CSF2RA: variants seen among roughly 807,000 people sequenced by gnomAD.
The protein encoded by CSF2RA is granulocyte-macrophage colony-stimulating factor receptor subunit alpha.
CSF2RA carries 42 observed loss-of-function variants against 51.6 expected under a neutral mutation model. The observed-to-expected ratio is 0.81, with a 90% CI of 0.64 to 1.05. The LOEUF (loss-of-function observed/expected upper bound fraction) is 1.05. Ranked by LOEUF, CSF2RA falls within the 50% of genes least tolerant of loss-of-function variation. CSF2RA has a pLI of 0.00. For missense variants in CSF2RA, 530 were observed against 501.1 expected, an observed-to-expected ratio of 1.06 and a Z score of -0.55; for synonymous variants, 222 against 193.0, an observed-to-expected ratio of 1.15 and a Z score of -1.24.
intron 2 of CSF2RA, among the ~76,000 whole-genome samples, chrX:1,275,815 C>A (rs1206164808): frequency 6.6e-6 from 1 of 152,060 alleles, no homozygotes; most frequent in Non-Finnish European, 1.5e-5. Flanking sequence ...GCCTCAGCCT[C>A]CCAAAGTGTT....
At position 1,272,476 on chromosome X, in the gene CSF2RA, TTA is replaced by T. The variant is rs1283800602; in HGVS notation, c.-90-2277_-90-2276del. Among the ~76,000 whole-genome samples, 5 of 8,846 alleles carry T rather than the reference TTA, an allele frequency of 5.7e-4. No homozygotes were observed. The South Asian group carries it at 0.012, about 21-fold the overall frequency. The allele number at this position is 8,846 out of a possible 152,430, so 5.8% of individuals were successfully genotyped here. A position where few individuals can be genotyped will look rare whatever the true frequency, so the allele number is the denominator to read the frequency against. ...GCGGACTGAACTCTGATTTTTTTCT[TTA>T]TTTTATTTTATTTTATTTTATTTTT... On this transcript the variant is annotated intron_variant, in intron 1 of 12. Transcript: ENST00000381529.
Position 1,300,410 on chromosome X carries a change from A to T in CSF2RA, c.811-81A>T, listed in dbSNP as rs1306306305. 1.4e-5 allele frequency: 22 copies of T among 1,522,162 alleles called. No individual in the cohort carries two copies. In the South Asian group the frequency reaches 2.2e-4, roughly 15 times the overall value. The allele number at this position is 1,522,162 out of a possible 1,614,324, so 94.3% of individuals were successfully genotyped here. A position where few individuals can be genotyped will look rare whatever the true frequency, so the allele number is the denominator to read the frequency against. On this transcript the variant is annotated intron_variant, in intron 9 of 12. Coordinates refer to ENST00000381529, the MANE Select transcript of CSF2RA (RefSeq NM_172245.4). ...AAAAAAGAAAAGGAGAAAAAAACTT[A>T]AAAGACAAAAGAACGAAAAAAGGCA...
intron 2 of CSF2RA, among the ~76,000 whole-genome samples, chrX:1,275,779 C>T (rs1299104900): frequency 6.6e-6 from 1 of 151,798 alleles, no homozygotes; most frequent in Non-Finnish European, 1.5e-5. Flanking sequence ...AGGATGGTCT[C>T]GATCTCCTGA....
chrX:1,308,491 A>C lies in CSF2RA; in HGVS notation c.1126-911A>C, dbSNP rs181082590. Among the ~76,000 whole-genome samples the C allele has an allele frequency of 4.2e-4, 64 of 152,046 alleles. No individual in the cohort carries two copies. In the East Asian group the frequency reaches 0.011, roughly 26 times the overall value. Reference sequence around the variant, plus strand: ...AGGGTGAGAGACTTGCGTGACCCACATCCCAAGACCCCGTGGGTGGCCCTC... The same window carrying C: ...AGGGTGAGAGACTTGCGTGACCCACCTCCCAAGACCCCGTGGGTGGCCCTC... On this transcript the variant is annotated intron_variant, in intron 12 of 12. Coordinates refer to ENST00000381529, the MANE Select transcript of CSF2RA (RefSeq NM_172245.4).
At chrX:1,290,588 C>T (rs1426075040) in intron 7 of CSF2RA, 79 bp downstream of exon 7, 19 of 1,388,060 alleles carry the variant, frequency 1.4e-5, no homozygotes, top group Non-Finnish European at 1.6e-5. Context: ...ACTGAGGCCA[C>T]GTGCGGTGTC....
intron 4 of CSF2RA, among the ~76,000 whole-genome samples, chrX:1,288,204 G>A (rs1429319375): frequency 1.9e-4 from 29 of 151,856 alleles, no homozygotes; most frequent in Non-Finnish European, 4.1e-4. Flanking sequence ...TACCATGGCC[G>A]GGCATGGTGG....
Position 1,282,724 on chromosome X carries a change from C to G in CSF2RA, c.21C>G (p.Ser7Arg). The G allele has an allele frequency of 6.2e-7, 1 of 1,613,784 alleles. No homozygotes were observed. The highest frequency in any genetic ancestry group is 8.5e-7 in the Non-Finnish European group (1 of 1,179,748). Residue 7 changes from serine to arginine, a missense_variant, in exon 3 of 13, where the codon AGC becomes AGG. Coordinates refer to ENST00000381529, the MANE Select transcript of CSF2RA (RefSeq NM_172245.4). MLLLVT[S>R]LLLCELPHPA... ...GCACCATGCTTCTCCTGGTGACAAG[C>G]CTTCTGCTCTGTGAGTTACCACACC...
chrX:1,318,025 G>A, the CSF2RA span, among the ~76,000 whole-genome samples: 1 of 150,420 alleles, frequency 6.6e-6, no homozygotes, highest in Admixed American at 6.6e-5. Flanking sequence ...GTCTCACTGT[G>A]TCACCCAGGC....
chrX:1,316,809 A>G, the CSF2RA span, among the ~76,000 whole-genome samples: 85 of 152,358 alleles, frequency 5.6e-4, no homozygotes, highest in African/African-American at 2.0e-3. Context: ...CTGTGTGGAC[A>G]CAAAACCAGC....
rs750023118 is a variant in CSF2RA, at chrX:1,288,640, C to G, written c.341C>G (p.Ser114Ter). The change falls in exon 5 of 13, where the codon TCA becomes TGA. Residue 114 changes from serine (S) to a stop codon, truncating the protein, a stop_gained and splice_region_variant. Transcript: ENST00000381529. LOFTEE classifies it high-confidence loss of function. ...CAACAGAAACTGCTTTATCCAAATT[C>G]AGGTAAGCAAGACAGCTCAGGGATC... ...GFQQKLLYPN[S>*]GREGTAAQNF... The G allele has an allele frequency of 4.3e-6, 7 of 1,613,954 alleles. No homozygotes were observed. The Admixed American group carries it at 1.2e-4, about 27-fold the overall frequency.
intron 7 of CSF2RA, among the ~76,000 whole-genome samples, chrX:1,291,752 G>A (rs2091420918): frequency 6.6e-6 from 1 of 150,882 alleles, no homozygotes; most frequent in Admixed American, 6.6e-5. Context: ...AGGAGACCCT[G>A]TACCACCTCC....
chrX:1,305,567 G>T (rs1456022001), intron 12 of CSF2RA, 40 bp downstream of exon 12: 1 of 1,613,872 alleles, frequency 6.2e-7, no homozygotes, highest in African/African-American at 1.3e-5. Flanking sequence ...GGGATGGAAG[G>T]TGGGGAGTGG....
At chrX:1,323,529 G>GCT in the CSF2RA span, among the ~76,000 whole-genome samples, 2 of 152,142 alleles carry the variant, frequency 1.3e-5, no homozygotes, top group Admixed American at 1.3e-4. Flanking sequence ...CCTCCCAGCA[G>GCT]CTCTCAGGTG....
At chrX:1,313,128 CAA>C (rs1229321861), downstream of CSF2RA, among the ~76,000 whole-genome samples, 2 of 152,018 alleles carry the variant, frequency 1.3e-5, no homozygotes, top group Non-Finnish European at 2.9e-5. Flanking sequence ...CCTCCGGTGT[CAA>C]AGAGACAGCA....
chrX:1,315,118 C>G (rs574853241), downstream of CSF2RA, among the ~76,000 whole-genome samples: 19 of 151,946 alleles, frequency 1.3e-4, no homozygotes, highest in East Asian at 3.7e-3. Context: ...GGGAGTCACA[C>G]TGTGGGGGGG....
chrX:1,280,663 CCTCTTCCTCCTCCTCCTT>C lies in CSF2RA; in HGVS notation c.-26-2012_-26-1995del, dbSNP rs1188418583. Among the ~76,000 whole-genome samples, 7 of 143,404 alleles carry C rather than the reference CCTCTTCCTCCTCCTCCTT, an allele frequency of 4.9e-5. No homozygotes were observed. In the South Asian group the frequency reaches 1.6e-3, roughly 34 times the overall value. 94.1% of individuals were successfully genotyped at this position (143,404 alleles called of 152,430 possible). A position where few individuals can be genotyped will look rare whatever the true frequency, so the allele number is the denominator to read the frequency against. On this transcript the variant is annotated intron_variant, in intron 2 of 12. Transcript: ENST00000381529. ...CTTCTCCCCCCTTCCTCCTCTTCCT[CCTCTTCCTCCTCCTCCTT>C]CTTCTTCTCTTCTTTCTTCTTCTTC...
chrX:1,314,333 C>T (rs181528021), downstream of CSF2RA, among the ~76,000 whole-genome samples: 7,975 of 43,524 alleles, frequency 0.18, 145 homozygotes, highest in African/African-American at 0.24. Flanking sequence ...TGCACCTGCC[C>T]AACCCCACTG....
chrX:1,288,486 C>G, intron 4 of CSF2RA, 33 bp from the exon 5 acceptor site: 1 of 1,613,758 alleles, frequency 6.2e-7, no homozygotes, highest in Non-Finnish European at 8.5e-7. Flanking sequence ...AAGGTTGTTT[C>G]CTAATCGGCT....
rs1433855034 is a variant in CSF2RA at position 1,282,739 on chromosome X, G to A, written c.36G>A (p.Glu12=). The part of the protein sequence containing the change: ...LLLVTSLLLC[E]LPHPAFLLIP... ...TGGTGACAAGCCTTCTGCTCTGTGA[G>A]TTACCACACCCAGCATTCCTCCTGA... is the stretch of plus-strand genomic sequence containing the variant. Residue 12 remains glutamate (E), a synonymous_variant, in exon 3 of 13, where the codon GAG becomes GAA. Transcript: ENST00000381529. The A allele has an allele frequency of 6.2e-7, 1 of 1,613,742 alleles. No homozygotes were observed. Among genetic ancestry groups the A allele is most frequent in the Non-Finnish European group, 8.5e-7 (1 of 1,179,826 alleles).
Sources: gnomAD v4.1 joint callset for allele counts (sites outside exome capture counted in the v4.1 genomes callset) on GRCh38, gnomAD v4.1.1 for gene constraint, MANE v1.5 for transcripts, NCBI Gene and HGNC (gene_info 2026-07-23, HGNC 2026-07-21) for gene names.